MYRIP: variants seen among roughly 807,000 people sequenced by gnomAD.
MYRIP encodes the protein myosin VIIA and Rab interacting protein.
In MYRIP, 49 loss-of-function variants were observed where a neutral mutation model predicts 98.0. That is an observed-to-expected ratio of 0.50 (90% CI 0.40 to 0.63). The LOEUF is 0.63. Ranked by LOEUF, MYRIP falls within the 30% of genes least tolerant of loss-of-function variation. The probability of loss-of-function intolerance (pLI) is 0.00; values close to 1 mark genes in which losing one functional copy is unlikely to be tolerated. For synonymous variants in MYRIP, 404 were observed against 409.5 expected, an observed-to-expected ratio of 0.99 and a Z score of 0.16; for missense variants, 1,004 against 1,058.2, an observed-to-expected ratio of 0.95 and a Z score of 0.71.
At chr3:40,236,206 T>G (rs996272434) in intron 12 of MYRIP, among the ~76,000 whole-genome samples, 4 of 152,228 alleles carry the variant, frequency 2.6e-5, no homozygotes, top group African/African-American at 9.6e-5. Context: ...AGTAACATGC[T>G]GTAGCCTAGG....
chr3:40,178,962 C>G (rs1041438822), intron 8 of MYRIP, among the ~76,000 whole-genome samples: 5 of 152,224 alleles, frequency 3.3e-5, no homozygotes, highest in African/African-American at 1.2e-4. Flanking sequence ...CTCAGACCAG[C>G]TCTTCCAGTC....
chr3:40,228,853 G>A (rs1185357828), intron 11 of MYRIP, among the ~76,000 whole-genome samples: 1 of 152,208 alleles, frequency 6.6e-6, no homozygotes, highest in African/African-American at 2.4e-5. Flanking sequence ...ATGCTCCAGG[G>A]TCAAGCTGGG....
At chr3:40,227,875 T>C (rs1319120419) in intron 11 of MYRIP, among the ~76,000 whole-genome samples, 1 of 152,224 alleles carries the variant, frequency 6.6e-6, no homozygotes, top group Non-Finnish European at 1.5e-5. Flanking sequence ...CTTCTTGAGC[T>C]AGATGATGTT....
chr3:39,878,521 T>G (rs1409783767), intron 1 of MYRIP, among the ~76,000 whole-genome samples: 1 of 152,100 alleles, frequency 6.6e-6, no homozygotes, highest in Non-Finnish European at 1.5e-5. Context: ...GCCTGGTACT[T>G]TCAGAAGGTG....
intron 1 of MYRIP, among the ~76,000 whole-genome samples, chr3:39,875,165 T>A (rs1220390012): frequency 6.6e-6 from 1 of 152,246 alleles, no homozygotes; most frequent in Non-Finnish European, 1.5e-5. Context: ...GTAGTTTGTA[T>A]TTCTGTGGGA....
At chr3:40,134,027 A>C (rs191395263) in intron 3 of MYRIP, among the ~76,000 whole-genome samples, 2 of 152,314 alleles carry the variant, frequency 1.3e-5, no homozygotes, top group East Asian at 3.9e-4. Context: ...AGTGCCGGAC[A>C]GTGGGTGCAG....
chr3:39,930,815 T>C (rs532670001), intron 2 of MYRIP, among the ~76,000 whole-genome samples: 1 of 152,244 alleles, frequency 6.6e-6, no homozygotes, highest in Admixed American at 6.5e-5. Flanking sequence ...GGTATCCTTG[T>C]CTATAACCAA....
intron 2 of MYRIP, among the ~76,000 whole-genome samples, chr3:40,036,237 A>G (rs930067443): frequency 6.7e-5 from 10 of 148,192 alleles, no homozygotes; most frequent in Non-Finnish European, 1.2e-4. Flanking sequence ...AACCAGTGAG[A>G]GAAGTTAGAG....
At chr3:40,162,944 C>T in intron 5 of MYRIP, 134 bp downstream of exon 5, 1 of 718,830 alleles carries the variant, frequency 1.4e-6, no homozygotes, top group South Asian at 2.0e-5. Context: ...TGTGAGTCTC[C>T]CTGGGTCACT....
chr3:39,812,388 T>C (rs1217443819), intron 1 of MYRIP, among the ~76,000 whole-genome samples: 2 of 152,046 alleles, frequency 1.3e-5, no homozygotes, highest in African/African-American at 2.4e-5. Context: ...TACAGAAAAA[T>C]AGAAGGAATA....
At chr3:39,906,521 A>G (rs907096851) in intron 2 of MYRIP, among the ~76,000 whole-genome samples, 3 of 152,242 alleles carry the variant, frequency 2.0e-5, no homozygotes, top group Non-Finnish European at 4.4e-5. Context: ...ATAACAACAC[A>G]GTATCTTCAA....
chr3:40,190,385 A>G lies in MYRIP; in HGVS notation c.1587A>G (p.Arg529=). 1.2e-6 allele frequency: 2 copies of G among 1,613,834 alleles called. No individual in the cohort carries two copies. The highest frequency in any genetic ancestry group is 1.7e-6 in the Non-Finnish European group (2 of 1,179,906). The part of the protein sequence containing the change: ...TTDRRARRWR[R]ARLGSEEPSK... ...ACCGGCGGGCCAGGAGGTGGAGAAG[A>G]GCCCGACTGGGCTCAGAAGAGCCAA... Residue 529 remains arginine, a synonymous_variant, in exon 10 of 17, where the codon AGA becomes AGG. Coordinates refer to ENST00000302541, the MANE Select transcript of MYRIP (RefSeq NM_015460.4).
At chr3:40,137,704 G>A (rs953210251) in intron 3 of MYRIP, among the ~76,000 whole-genome samples, 3 of 151,862 alleles carry the variant, frequency 2.0e-5, no homozygotes, top group Non-Finnish European at 2.9e-5. Flanking sequence ...CATGAGACTG[G>A]GAGTCTTGCC....
At chr3:40,149,043 AAAC>A (rs1950064439) in intron 3 of MYRIP, among the ~76,000 whole-genome samples, 1 of 152,214 alleles carries the variant, frequency 6.6e-6, no homozygotes, top group Non-Finnish European at 1.5e-5. Flanking sequence ...CCCCAATGCC[AAAC>A]AAGATAAGCT....
intron 12 of MYRIP, among the ~76,000 whole-genome samples, chr3:40,239,715 G>A (rs1952937892): frequency 6.7e-6 from 1 of 149,468 alleles, no homozygotes; most frequent in Admixed American, 6.6e-5. Flanking sequence ...CTTTTGAGAA[G>A]TGTCTGTTCA....
At chr3:40,103,890 C>A (rs1041131960) in intron 3 of MYRIP, among the ~76,000 whole-genome samples, 1 of 151,968 alleles carries the variant, frequency 6.6e-6, no homozygotes, top group Non-Finnish European at 1.5e-5. Flanking sequence ...TCCTACAGAG[C>A]AATATTTTTA....
In MYRIP at chr3:39,886,641, A is replaced by G. The variant is rs551109710; in HGVS notation, c.-30-14146A>G. 9.0e-3 allele frequency among the ~76,000 whole-genome samples: 1,354 copies of G among 150,958 alleles called. 7 individuals are homozygous for G. Among genetic ancestry groups the G allele is most frequent in the African/African-American group, 0.015 (588 of 40,264 alleles). ...ATCAATTCAACAAGAAGAGCTAACT[A>G]TCCTAAATATATATGCACCCAATAC... On this transcript the variant is annotated intron_variant, in intron 1 of 16. Coordinates refer to ENST00000302541, the MANE Select transcript of MYRIP (RefSeq NM_015460.4).
At chr3:39,874,761 T>G (rs1446007634) in intron 1 of MYRIP, among the ~76,000 whole-genome samples, 1 of 152,196 alleles carries the variant, frequency 6.6e-6, no homozygotes, top group Non-Finnish European at 1.5e-5. Context: ...TATTGAGGAT[T>G]TTTGCATCAA....
chr3:40,084,630 A>C (rs868824322), intron 3 of MYRIP, among the ~76,000 whole-genome samples: 3 of 147,730 alleles, frequency 2.0e-5, no homozygotes, highest in African/African-American at 7.4e-5. Context: ...ATACACATCT[A>C]TGTATTATAT....
Sources: allele counts gnomAD v4.1 joint callset (sites outside exome capture counted in the v4.1 genomes callset), GRCh38; gene constraint gnomAD v4.1.1; transcripts MANE v1.5; gene names NCBI Gene and HGNC (gene_info 2026-07-23, HGNC 2026-07-21).